Variants in CSMD1 observed in about 807,000 individuals in gnomAD.
CSMD1 encodes the protein CUB and Sushi multiple domains 1.
CSMD1 carries 213 observed loss-of-function variants against 417.5 expected under a neutral mutation model. That is an observed-to-expected ratio of 0.51 (90% CI 0.46 to 0.57). CSMD1 has a LOEUF of 0.57. Ranked by LOEUF, CSMD1 falls within the 20% of genes least tolerant of loss-of-function variation. CSMD1 has a pLI of 0.00. For synonymous variants in CSMD1, 2,862 were observed against 1,736.8 expected, an observed-to-expected ratio of 1.65 and a Z score of -16.11; for missense variants, 6,923 against 4,529.7, an observed-to-expected ratio of 1.53 and a Z score of -15.17.
chr8:3,575,224 C>T (rs566027142), intron 9 of CSMD1, among the ~76,000 whole-genome samples, 158 bp from the exon 10 acceptor site: 4 of 151,180 alleles, frequency 2.6e-5, no homozygotes, highest in African/African-American at 9.7e-5. Context: ...GGACTCCAGT[C>T]AGCAAGTGGA....
chr8:4,427,583 T>C (rs1797637526), intron 2 of CSMD1, among the ~76,000 whole-genome samples: 4 of 152,084 alleles, frequency 2.6e-5, no homozygotes, highest in Admixed American at 1.3e-4. Flanking sequence ...ATGTCCGCCA[T>C]CATTTGGAGA....
chr8:4,690,715 G>A (rs1190418928), intron 1 of CSMD1, among the ~76,000 whole-genome samples: 2 of 152,064 alleles, frequency 1.3e-5, no homozygotes, highest in Non-Finnish European at 1.5e-5. Context: ...GTTTCACAGG[G>A]ATCTGAAATC....
intron 16 of CSMD1, among the ~76,000 whole-genome samples, chr8:3,398,305 T>C (rs189848276): frequency 1.7e-3 from 265 of 152,334 alleles, no homozygotes; most frequent in Middle Eastern, 3.4e-3. Flanking sequence ...TTTCAAATGA[T>C]TGATTATACA....
intron 3 of CSMD1, among the ~76,000 whole-genome samples, chr8:4,125,957 C>G (rs181032170): frequency 1.7e-3 from 258 of 152,274 alleles, no homozygotes; most frequent in African/African-American, 6.0e-3. Context: ...GATCACATTA[C>G]TATTGTAAAA....
At chr8:3,842,413 A>G (rs915734816) in intron 5 of CSMD1, among the ~76,000 whole-genome samples, 37 of 152,186 alleles carry the variant, frequency 2.4e-4, no homozygotes, top group Admixed American at 1.2e-3. Flanking sequence ...TGCATGTCTT[A>G]TAGTCTCAAG....
chr8:4,033,223 G>C (rs1029615969), intron 3 of CSMD1, among the ~76,000 whole-genome samples: 1 of 150,998 alleles, frequency 6.6e-6, no homozygotes, highest in Non-Finnish European at 1.5e-5. Flanking sequence ...GGAGGATCGT[G>C]AGGTCAAGAG....
Position 4,329,982 on chromosome 8 carries a change from A to G in CSMD1, c.415+89971T>C, listed in dbSNP as rs562758291. On this transcript the variant is annotated intron_variant, in intron 3 of 69. Coordinates refer to ENST00000635120, the MANE Select transcript of CSMD1 (RefSeq NM_033225.6). ...GCTCCCTGAGGTCTCCCCAAAAGCC[A>G]AGCAGATGCCAGCACCATGCTTCCT... 2.7e-4 allele frequency among the ~76,000 whole-genome samples: 41 copies of G among 152,210 alleles called. 1 individual carries two copies. The highest frequency in any genetic ancestry group is 4.4e-4 in the Non-Finnish European group (30 of 68,014).
At chr8:3,945,481 C>G (rs944946744) in intron 5 of CSMD1, among the ~76,000 whole-genome samples, 2 of 152,038 alleles carry the variant, frequency 1.3e-5, no homozygotes, top group Admixed American at 6.6e-5. Flanking sequence ...AGTTACTCTT[C>G]AACTGTGAAC....
chr8:3,713,300 T>C (rs553311184), intron 6 of CSMD1, among the ~76,000 whole-genome samples: 18 of 152,330 alleles, frequency 1.2e-4, no homozygotes, highest in Middle Eastern at 3.4e-3. Context: ...GTAGGTTGTT[T>C]GAAAATGTGA....
intron 7 of CSMD1, among the ~76,000 whole-genome samples, chr8:3,680,913 T>C (rs1585066238): frequency 1.3e-5 from 2 of 152,270 alleles, no homozygotes; most frequent in Admixed American, 6.5e-5. Flanking sequence ...TAATCCAGCA[T>C]ATAAACAGAA....
At chr8:3,776,807 G>GATATATATATATAT (rs151060171) in intron 5 of CSMD1, among the ~76,000 whole-genome samples, 4,920 of 139,776 alleles carry the variant, frequency 0.035, 151 homozygotes, top group Middle Eastern at 0.064. Context: ...ATATAGACGA[G>GATATATATATATAT]ATATATATAT....
chr8:4,280,118 C>A (rs1040961739), intron 3 of CSMD1, among the ~76,000 whole-genome samples: 1 of 152,158 alleles, frequency 6.6e-6, no homozygotes, highest in Admixed American at 6.5e-5. Context: ...TTCATTACAC[C>A]GTACACTTCA....
chr8:4,879,771 CAG>C (rs1368218915), intron 1 of CSMD1, among the ~76,000 whole-genome samples: 1 of 152,002 alleles, frequency 6.6e-6, no homozygotes, highest in Non-Finnish European at 1.5e-5. Flanking sequence ...TCTCAAGTGA[CAG>C]GGGACAGATG....
intron 7 of CSMD1, among the ~76,000 whole-genome samples, chr8:3,662,225 A>G (rs978375700): frequency 3.9e-5 from 6 of 152,250 alleles, no homozygotes; most frequent in African/African-American, 1.4e-4. Context: ...TTAGGAAAAC[A>G]CAGTATGTTC....
intron 1 of CSMD1, among the ~76,000 whole-genome samples, chr8:4,742,136 T>C (rs1810654231): frequency 6.8e-6 from 1 of 147,538 alleles, no homozygotes; most frequent in African/African-American, 2.5e-5. Context: ...GTTCACGCCA[T>C]TCTCCTGCCT....
chr8:3,265,202 A>G (rs1242553473), intron 26 of CSMD1, among the ~76,000 whole-genome samples: 1 of 152,214 alleles, frequency 6.6e-6, no homozygotes, highest in Non-Finnish European at 1.5e-5. Flanking sequence ...TAAGAATCAG[A>G]AAATAAGCAC....
chr8:4,813,700 C>T (rs940067328), intron 1 of CSMD1, among the ~76,000 whole-genome samples: 2 of 152,112 alleles, frequency 1.3e-5, no homozygotes, highest in Non-Finnish European at 2.9e-5. Context: ...TTCAAGAATC[C>T]TCAGTAATTC....
At chr8:3,894,093 C>G (rs1253950618) in intron 5 of CSMD1, among the ~76,000 whole-genome samples, 1 of 152,206 alleles carries the variant, frequency 6.6e-6, no homozygotes, top group Non-Finnish European at 1.5e-5. Flanking sequence ...TTGTCTCTTT[C>G]ACGGTGTTCC....
At chr8:3,670,605 C>CATATATATATGGGGATATATATTGCAT (rs1310318740) in intron 7 of CSMD1, among the ~76,000 whole-genome samples, 1 of 128,948 alleles carries the variant, frequency 7.8e-6, no homozygotes, top group Non-Finnish European at 1.7e-5. Flanking sequence ...ATATATTGCA[C>CATATATATATGGGGATATATATTGCAT]ATATATATGG....
Sources: gnomAD v4.1 joint callset for allele counts (sites outside exome capture counted in the v4.1 genomes callset) on GRCh38, gnomAD v4.1.1 for gene constraint, MANE v1.5 for transcripts, NCBI Gene and HGNC (gene_info 2026-07-23, HGNC 2026-07-21) for gene names.